The following ACBD6 variants were observed in gnomAD, a reference collection of about 807,000 sequenced individuals.
ACBD6 encodes acyl-CoA-binding domain-containing protein 6.
In ACBD6, 28 loss-of-function variants were observed where a neutral mutation model predicts 37.2. That is an observed-to-expected ratio of 0.75 (90% CI 0.56 to 1.03). The LOEUF is 1.03. ACBD6 is among the 50% of genes least tolerant of loss of function. The pLI, the probability that ACBD6 is intolerant of heterozygous loss-of-function variation, is 0.00. For missense variants in ACBD6, 340 were observed against 337.4 expected, an observed-to-expected ratio of 1.01 and a Z score of -0.06; for synonymous variants, 113 against 126.8, an observed-to-expected ratio of 0.89 and a Z score of 0.73.
intron 3 of ACBD6, among the ~76,000 whole-genome samples, chr1:180,454,546 G>T (rs1649841020): frequency 6.6e-6 from 1 of 152,164 alleles, no homozygotes; most frequent in Non-Finnish European, 1.5e-5. Context: ...AAACTAAAGA[G>T]CTTCTGCACA....
chr1:180,489,208 T>C (rs903485656), intron 3 of ACBD6, among the ~76,000 whole-genome samples: 1 of 152,020 alleles, frequency 6.6e-6, no homozygotes, highest in African/African-American at 2.4e-5. Flanking sequence ...ATGAGTGTTG[T>C]TCTTATTTTA....
At chr1:180,351,652 C>G (rs962289233) in intron 6 of ACBD6, among the ~76,000 whole-genome samples, 18 of 140,188 alleles carry the variant, frequency 1.3e-4, no homozygotes, top group Admixed American at 3.8e-4. Flanking sequence ...TGGCTAGTAT[C>G]AAAAACACAG....
intron 3 of ACBD6, among the ~76,000 whole-genome samples, chr1:180,444,810 T>C (rs1253174283): frequency 6.6e-6 from 1 of 152,222 alleles, no homozygotes; most frequent in Admixed American, 6.5e-5. Context: ...AAAATGCTCC[T>C]TCACTCAAAA....
intron 7 of ACBD6, among the ~76,000 whole-genome samples, chr1:180,306,428 G>GTT (rs1410124114): frequency 6.6e-6 from 1 of 152,076 alleles, no homozygotes; most frequent in African/African-American, 2.4e-5. Context: ...TAGACTCTCA[G>GTT]AAGCACGCGT....
chr1:180,408,815 T>C (rs1466763850), intron 5 of ACBD6, among the ~76,000 whole-genome samples: 1 of 151,862 alleles, frequency 6.6e-6, no homozygotes, highest in Admixed American at 6.6e-5. Context: ...GAAATAGAAG[T>C]ATATTATTTA....
At chr1:180,499,079 T>C (rs1651851716) in intron 1 of ACBD6, among the ~76,000 whole-genome samples, 1 of 152,218 alleles carries the variant, frequency 6.6e-6, no homozygotes, top group Admixed American at 6.5e-5. Flanking sequence ...AATAAAGCTA[T>C]GATGCTAAGT....
intron 1 of ACBD6, among the ~76,000 whole-genome samples, chr1:180,497,977 T>C (rs1651801928): frequency 6.6e-6 from 1 of 152,226 alleles, no homozygotes; most frequent in Non-Finnish European, 1.5e-5. Flanking sequence ...ATCAATGAAT[T>C]TTTCATACTG....
intron 8 of ACBD6, among the ~76,000 whole-genome samples, chr1:180,282,723 T>A (rs193242536): frequency 6.6e-6 from 1 of 152,074 alleles, no homozygotes; most frequent in Non-Finnish European, 1.5e-5. Context: ...ACTACATTAC[T>A]GGTGGGCCAG....
At chr1:180,469,099 G>C (rs1650461993) in intron 3 of ACBD6, among the ~76,000 whole-genome samples, 1 of 152,104 alleles carries the variant, frequency 6.6e-6, no homozygotes, top group Non-Finnish European at 1.5e-5. Context: ...TCCATAAACA[G>C]ATACACATTG....
chr1:180,434,292 CAGAG>C (rs544457619), intron 3 of ACBD6, among the ~76,000 whole-genome samples: 84 of 152,160 alleles, frequency 5.5e-4, no homozygotes, highest in Non-Finnish European at 1.0e-3. Context: ...CATCACATGA[CAGAG>C]AGCAGACCCT....
intron 5 of ACBD6, among the ~76,000 whole-genome samples, chr1:180,406,371 A>C (rs1476587390): frequency 6.6e-6 from 1 of 152,156 alleles, no homozygotes; most frequent in Non-Finnish European, 1.5e-5. Context: ...AAAGTTTCAG[A>C]TTTTGGATCA....
intron 3 of ACBD6, among the ~76,000 whole-genome samples, chr1:180,456,543 C>T (rs1368967287): frequency 6.6e-6 from 1 of 152,132 alleles, no homozygotes; most frequent in Admixed American, 6.6e-5. Flanking sequence ...TAAGAAAGCA[C>T]ATGAAAAGTG....
chr1:180,271,183 T>A, exon 14 of ACBD6: 2 of 652,328 alleles, frequency 3.1e-6, no homozygotes, highest in Non-Finnish European at 5.6e-6. Flanking sequence ...CACTTTTCAG[T>A]GGCTTGGGAA....
chr1:180,375,309 T>C (rs1364950141), intron 6 of ACBD6, among the ~76,000 whole-genome samples: 2 of 151,824 alleles, frequency 1.3e-5, no homozygotes, highest in African/African-American at 2.4e-5. Flanking sequence ...AAGACAAAGG[T>C]GGCATCTCAA....
chr1:180,394,416 T>A (rs1168513080), intron 6 of ACBD6, among the ~76,000 whole-genome samples: 1 of 152,032 alleles, frequency 6.6e-6, no homozygotes, highest in Admixed American at 6.6e-5. Context: ...TTTGTTGTTT[T>A]AATTTAGTGG....
At chr1:180,454,936 T>C (rs576919698) in intron 3 of ACBD6, among the ~76,000 whole-genome samples, 1 of 152,282 alleles carries the variant, frequency 6.6e-6, no homozygotes, top group South Asian at 2.1e-4. Flanking sequence ...TGTAAACTAG[T>C]TCAACCATTG....
chr1:180,317,020 C>T (rs1418059724), intron 6 of ACBD6, among the ~76,000 whole-genome samples: 1 of 152,136 alleles, frequency 6.6e-6, no homozygotes, highest in Non-Finnish European at 1.5e-5. Flanking sequence ...CCAAAATGGG[C>T]AAATCACAGC....
chr1:180,347,149 G>A (rs1250319797), intron 6 of ACBD6, among the ~76,000 whole-genome samples: 1 of 152,168 alleles, frequency 6.6e-6, no homozygotes, highest in Non-Finnish European at 1.5e-5. Flanking sequence ...AAAGAGCTGT[G>A]GGTGAAAAGT....
intron 6 of ACBD6, among the ~76,000 whole-genome samples, chr1:180,348,073 T>C (rs753683350): frequency 2.0e-5 from 3 of 152,224 alleles, no homozygotes; most frequent in Non-Finnish European, 4.4e-5. Flanking sequence ...ATTTACAGCA[T>C]AAATATTTGC....
Sources: allele counts gnomAD v4.1 joint callset (sites outside exome capture counted in the v4.1 genomes callset), GRCh38; gene constraint gnomAD v4.1.1; transcripts MANE v1.5; gene names NCBI Gene and HGNC (gene_info 2026-07-23, HGNC 2026-07-21).